The following MXRA7 variants were observed in gnomAD, a reference collection of about 807,000 sequenced individuals.
The protein encoded by MXRA7 is matrix-remodeling-associated protein 7.
In MXRA7, 18 loss-of-function variants were observed where a neutral mutation model predicts 17.4. The ratio of observed to expected loss-of-function variants is 1.03; its 90% CI spans 0.71 to 1.53. The LOEUF (loss-of-function observed/expected upper bound fraction) is 1.53, where lower values mean the gene tolerates loss of function less well. Ranked by LOEUF, MXRA7 falls within the 40% of genes most tolerant of loss-of-function variation. The pLI is 0.00. For synonymous variants in MXRA7, 70 were observed against 101.7 expected (o/e 0.69, Z 1.87); for missense variants, 141 against 209.3 (o/e 0.67, Z 2.01).
intron 1 of MXRA7, among the ~76,000 whole-genome samples, chr17:76,693,488 A>G (rs1598351195): frequency 2.0e-5 from 3 of 151,338 alleles, no homozygotes; most frequent in Admixed American, 1.3e-4. Flanking sequence ...AAAAAAAAAA[A>G]AAAAAGAAAA....
intron 1 of MXRA7, among the ~76,000 whole-genome samples, chr17:76,708,220 C>T (rs777296845): frequency 1.3e-5 from 2 of 152,346 alleles, no homozygotes; most frequent in Non-Finnish European, 2.9e-5. Flanking sequence ...GCTTTGTAGT[C>T]AGAGGCAGCA....
rs184281026 is a variant in MXRA7, at chr17:76,680,379, C to A, written c.*488G>T. On this transcript the variant is annotated 3_prime_UTR_variant, in exon 4 of 4. Coordinates refer to ENST00000449428, the MANE Select transcript of MXRA7 (RefSeq NM_198530.4). ...AAGTGGGGTTCCCAGGGAAAGGGGT[C>A]GGCTGACCACCCTGACGGAGCTGGT... 1.0e-6 allele frequency: 1 copy of A among 985,532 alleles called. No homozygotes were observed. Among genetic ancestry groups the A allele is most frequent in the Admixed American group, 6.1e-5 (1 of 16,262 alleles). The allele number at this position is 985,532 out of a possible 1,614,324, so 61.0% of individuals were successfully genotyped here.
intron 1 of MXRA7, among the ~76,000 whole-genome samples, chr17:76,697,865 T>C (rs1286644272): frequency 6.9e-6 from 1 of 145,956 alleles, no homozygotes; most frequent in African/African-American, 2.6e-5. Context: ...AATTCAAGCG[T>C]GATGCAAAGT....
intron 1 of MXRA7, among the ~76,000 whole-genome samples, chr17:76,708,422 G>A (rs2076685235): frequency 6.6e-6 from 1 of 152,164 alleles, no homozygotes; most frequent in Admixed American, 6.5e-5. Context: ...GGGACGGAGG[G>A]AGAAGGAGGC....
At chr17:76,691,705 T>G (rs1188398884) in intron 1 of MXRA7, among the ~76,000 whole-genome samples, 1 of 152,122 alleles carries the variant, frequency 6.6e-6, no homozygotes, top group Non-Finnish European at 1.5e-5. Context: ...GAGTGTTGTG[T>G]GCATGGACAG....
At chr17:76,698,139 G>A (rs764469160) in intron 1 of MXRA7, among the ~76,000 whole-genome samples, 4 of 152,166 alleles carry the variant, frequency 2.6e-5, no homozygotes, top group Admixed American at 1.3e-4. Context: ...AGAGGACAGC[G>A]GCTCCAGGAG....
Position 76,710,774 on chromosome 17 carries a change from C to T in MXRA7, c.173G>A (p.Arg58His). 9.8e-7 allele frequency: 1 copy of T among 1,016,764 alleles called. No individual in the cohort carries two copies. Among genetic ancestry groups the T allele is most frequent in the Non-Finnish European group, 1.2e-6 (1 of 834,556 alleles). 63.0% of individuals were successfully genotyped at this position (1,016,764 alleles called of 1,614,324 possible). A position where few individuals can be genotyped will look rare whatever the true frequency, so the allele number is the denominator to read the frequency against. ...AEATGAPAPS[R>H]PCAPEPAASP... The stretch of plus-strand genomic sequence containing the variant: ...GGCCGCCGGCTCGGGGGCGCAGGGG[C>T]GGGACGGCGCCGGGGCCCCGGTGGC... Residue 58 changes from arginine (R) to histidine (H), a missense_variant, in exon 1 of 4, where the codon CGC (arginine) becomes CAC (histidine). By Grantham distance (29) the Arg-to-His change is conservative. This residue lies in a region of MXRA7 where 72 missense variants were observed against 111.9 expected (regional missense o/e 0.64). Transcript: ENST00000449428.
At chr17:76,703,042 G>A (rs1442717597) in intron 1 of MXRA7, among the ~76,000 whole-genome samples, 1 of 151,636 alleles carries the variant, frequency 6.6e-6, no homozygotes, top group African/African-American at 2.4e-5. Flanking sequence ...AGCCCAGGAG[G>A]TGGAGGTTGC....
At chr17:76,707,008 C>T (rs1171867515) in intron 1 of MXRA7, among the ~76,000 whole-genome samples, 1 of 152,154 alleles carries the variant, frequency 6.6e-6, no homozygotes, top group African/African-American at 2.4e-5. Context: ...CCTGCATCTT[C>T]CTAAGGATAA....
chr17:76,694,081 T>A (rs2143643794), intron 1 of MXRA7, among the ~76,000 whole-genome samples: 1 of 152,348 alleles, frequency 6.6e-6, no homozygotes, highest in African/African-American at 2.4e-5. Context: ...CCCTTCCATC[T>A]ACTTATCTGG....
At position 76,685,134 on chromosome 17, in the gene MXRA7, C is replaced by G; in HGVS notation, c.438G>C (p.Gly146=). The change falls in exon 3 of 4, where the codon GGG becomes GGC. Residue 146 remains glycine, a synonymous_variant. Coordinates refer to ENST00000449428, the MANE Select transcript of MXRA7 (RefSeq NM_198530.4). ...GEGFSFKYSP[G]KLRGNQYKKM... ...TCTTGTACTGGTTTCCCCTCAGCTTCCCGGGGCTGTATTTGAAGGAGAAGC... is the reference window on the plus strand; with the variant it reads ...TCTTGTACTGGTTTCCCCTCAGCTTGCCGGGGCTGTATTTGAAGGAGAAGC... 1 of 1,613,964 alleles carries G rather than the reference C, an allele frequency of 6.2e-7. No individual in the cohort carries two copies.
chr17:76,694,360 C>A (rs1395266708), intron 1 of MXRA7, among the ~76,000 whole-genome samples: 1 of 152,156 alleles, frequency 6.6e-6, no homozygotes, highest in Non-Finnish European at 1.5e-5. Flanking sequence ...TCAGACTTTG[C>A]AGGCCAAGAA....
At chr17:76,678,302 C>T (rs114586478), downstream of MXRA7, among the ~76,000 whole-genome samples, 247 of 152,250 alleles carry the variant, frequency 1.6e-3, 2 homozygotes, top group African/African-American at 5.8e-3. Flanking sequence ...GGCGGCCCTG[C>T]CCCTTTTATC....
At chr17:76,672,630 TGA>T (rs1366827441) in exon 4 of MXRA7, 1 of 152,152 alleles carries the variant, frequency 6.6e-6, no homozygotes, top group Non-Finnish European at 1.5e-5. Flanking sequence ...CAGATGTCCA[TGA>T]GAGGGGGAGT....
chr17:76,674,245 A>G (rs573497720), exon 4 of MXRA7: 3 of 151,010 alleles, frequency 2.0e-5, no homozygotes, highest in Non-Finnish European at 3.0e-5. Flanking sequence ...CCAGGTAGAC[A>G]TCTTTCTCTC....
In MXRA7 at chr17:76,685,031, C is replaced by A. The variant is rs556695774; in HGVS notation, c.500+41G>T. 1.3e-5 allele frequency: 21 copies of A among 1,572,320 alleles called. No homozygotes were observed. The East Asian group carries it at 4.7e-4, about 35-fold the overall frequency. ...GGGCTCAGAGGGGCACCCCCCTCCC[C>A]CAAGAGCCCGCCAGGCGCCAGCGAA... is the stretch of plus-strand genomic sequence containing the variant. On this transcript the variant is annotated intron_variant, in intron 3 of 3. Transcript: ENST00000449428.
At chr17:76,698,056 G>A (rs990371355) in intron 1 of MXRA7, among the ~76,000 whole-genome samples, 1 of 152,180 alleles carries the variant, frequency 6.6e-6, no homozygotes, top group African/African-American at 2.4e-5. Flanking sequence ...AAGGTCTCTT[G>A]TGGCCCTGTG....
chr17:76,692,889 A>G (rs755548908), intron 1 of MXRA7, among the ~76,000 whole-genome samples: 4 of 152,250 alleles, frequency 2.6e-5, no homozygotes, highest in Admixed American at 2.0e-4. Context: ...TGGTGATTCC[A>G]GCTTCACCAG....
chr17:76,688,443 G>A, intron 1 of MXRA7: 3 of 1,361,502 alleles, frequency 2.2e-6, no homozygotes, highest in Non-Finnish European at 2.8e-6. Flanking sequence ...TTTCCCAGGT[G>A]GGTGCCTGTT....
Sources: allele counts gnomAD v4.1 joint callset (sites outside exome capture counted in the v4.1 genomes callset), GRCh38; gene constraint gnomAD v4.1.1; regional missense constraint gnomAD v4.1.1; transcripts MANE v1.5; gene names NCBI Gene and HGNC (gene_info 2026-07-23, HGNC 2026-07-21).